The following STPG2 variants were observed in gnomAD, a reference collection of about 807,000 sequenced individuals.
STPG2 encodes sperm-tail PG-rich repeat-containing protein 2.
Under a neutral mutation model 54.2 loss-of-function variants are expected in STPG2, and 56 were observed. The ratio of observed to expected loss-of-function variants is 1.03; its 90% CI spans 0.83 to 1.29. The LOEUF is 1.29. Among genes scored for constraint, STPG2 ranks in the 50% most tolerant of loss-of-function variants. STPG2 has a pLI of 0.00. For synonymous variants in STPG2, 200 were observed against 181.8 expected (o/e 1.10, Z -0.81); for missense variants, 596 against 544.9 (o/e 1.09, Z -0.93).
chr4:98,032,008 C>T (rs185268285), intron 5 of STPG2, among the ~76,000 whole-genome samples: 1 of 152,226 alleles, frequency 6.6e-6, no homozygotes, highest in African/African-American at 2.4e-5. Context: ...ATCAAAACCA[C>T]AATGTGGTAC....
At position 98,013,555 on chromosome 4, in the gene STPG2, G is replaced by A. The variant is rs184340847; in HGVS notation, c.613-32237C>T. On this transcript the variant is annotated intron_variant, in intron 5 of 10. Transcript: ENST00000295268. ...CCTCTTTGTACCTCTGGTAGAATTC[G>A]GCTGTGAATCCATCTGGTCCTGGGC... is the stretch of plus-strand genomic sequence containing the variant. 3.3e-3 allele frequency among the ~76,000 whole-genome samples: 478 copies of A among 146,836 alleles called. 5 individuals carry two copies. The highest frequency in any genetic ancestry group is 0.012 in the African/African-American group (465 of 39,784).
intron 10 of STPG2, among the ~76,000 whole-genome samples, chr4:97,612,969 ATTTAT>A (rs1170295533): frequency 6.7e-6 from 1 of 150,036 alleles, no homozygotes; most frequent in African/African-American, 2.5e-5. Context: ...TTTAATAAAC[ATTTAT>A]TTTTTAATAA....
chr4:97,905,070 G>C (rs189883474), intron 8 of STPG2, among the ~76,000 whole-genome samples: 4 of 152,010 alleles, frequency 2.6e-5, no homozygotes, highest in African/African-American at 9.7e-5. Context: ...AATCTAGCAA[G>C]GCAGGCCAAC....
At position 97,501,564 on chromosome 4, in the gene STPG2, C is replaced by T. The variant is rs1031021432; in HGVS notation, c.462+211135G>A. On this transcript the variant is annotated intron_variant, in intron 4 of 4. Coordinates refer to the STPG2 transcript ENST00000522676. Reference sequence around the variant, plus strand: ...AAAAGAAATTAGCTGGGCATGGTGGCGCATGCCTGTAGTCCTAGCTACATT... The same window carrying T: ...AAAAGAAATTAGCTGGGCATGGTGGTGCATGCCTGTAGTCCTAGCTACATT... Among the ~76,000 whole-genome samples the T allele has an allele frequency of 5.3e-5, 8 of 151,608 alleles. No homozygotes were observed. In the South Asian group the frequency reaches 6.2e-4, roughly 12 times the overall value.
At chr4:98,090,464 T>C (rs1738651782) in intron 5 of STPG2, among the ~76,000 whole-genome samples, 1 of 152,138 alleles carries the variant, frequency 6.6e-6, no homozygotes, top group Non-Finnish European at 1.5e-5. Flanking sequence ...TATAGGCTTG[T>C]AGTATAATTT....
chr4:98,045,718 TTATC>T (rs910194164), intron 5 of STPG2, among the ~76,000 whole-genome samples: 10 of 151,844 alleles, frequency 6.6e-5, no homozygotes, highest in Non-Finnish European at 1.3e-4. Context: ...ATTTATTTAT[TTATC>T]TATTTTAATA....
chr4:97,930,428 T>A (rs1295938296), intron 8 of STPG2, among the ~76,000 whole-genome samples: 1 of 152,202 alleles, frequency 6.6e-6, no homozygotes, highest in Non-Finnish European at 1.5e-5. Flanking sequence ...ATTTATTGAA[T>A]TGGGAATGTT....
chr4:97,853,169 G>A (rs1190657862), intron 8 of STPG2, among the ~76,000 whole-genome samples: 4 of 151,378 alleles, frequency 2.6e-5, no homozygotes, highest in Admixed American at 6.6e-5. Context: ...TAGTACAGAC[G>A]GGGTTTCACC....
chr4:97,625,783 G>A (rs1173330118), intron 10 of STPG2, among the ~76,000 whole-genome samples: 1 of 152,184 alleles, frequency 6.6e-6, no homozygotes, highest in Admixed American at 6.5e-5. Flanking sequence ...TATAGCTGGA[G>A]TGGAGATGAC....
intron 4 of STPG2, among the ~76,000 whole-genome samples, chr4:97,469,590 T>C (rs1172043642): frequency 6.6e-6 from 1 of 151,870 alleles, no homozygotes; most frequent in Non-Finnish European, 1.5e-5. Flanking sequence ...TGAGGGATGC[T>C]AGGATAAGGA....
At chr4:98,128,804 A>T (rs1739903796) in intron 2 of STPG2, among the ~76,000 whole-genome samples, 1 of 152,100 alleles carries the variant, frequency 6.6e-6, no homozygotes, top group African/African-American at 2.4e-5. Flanking sequence ...ATCTTGGCTC[A>T]CTGCAACCTC....
At position 97,623,735 on chromosome 4, in the gene STPG2, G is replaced by A. The variant is rs368747861; in HGVS notation, c.1321-64618C>T. 2.2e-4 allele frequency among the ~76,000 whole-genome samples: 33 copies of A among 152,016 alleles called. No individual in the cohort carries two copies. The East Asian group carries it at 5.0e-3, about 23-fold the overall frequency. On this transcript the variant is annotated intron_variant, in intron 10 of 10. Coordinates refer to ENST00000295268, the MANE Select transcript of STPG2 (RefSeq NM_174952.3). ...GGTTTGCTGTGCTTATCAACCTATC[G>A]CCTAGGTATTAAGCCCAGCATGCAT...
intron 5 of STPG2, among the ~76,000 whole-genome samples, chr4:98,066,414 C>T (rs926269744): frequency 2.6e-4 from 40 of 152,062 alleles, no homozygotes; most frequent in Non-Finnish European, 4.7e-4. Context: ...CATGGTGAAA[C>T]TCCATCTCTA....
chr4:97,753,467 T>G (rs1725638783), intron 9 of STPG2, among the ~76,000 whole-genome samples: 1 of 152,036 alleles, frequency 6.6e-6, no homozygotes, highest in Non-Finnish European at 1.5e-5. Flanking sequence ...TTTATTTTGC[T>G]TATCCACTCA....
intron 4 of STPG2, among the ~76,000 whole-genome samples, chr4:97,497,867 T>A (rs1352369369): frequency 6.6e-6 from 1 of 151,906 alleles, no homozygotes. Flanking sequence ...ACATTTCTCA[T>A]TATCCCTAGG....
intron 9 of STPG2, among the ~76,000 whole-genome samples, chr4:97,813,739 C>T (rs1298746443): frequency 1.0e-5 from 1 of 98,830 alleles, no homozygotes; most frequent in Non-Finnish European, 2.1e-5. Context: ...AAAATGTACA[C>T]AATTTTATTT....
At chr4:97,904,622 G>A (rs993365371) in intron 8 of STPG2, among the ~76,000 whole-genome samples, 1 of 152,198 alleles carries the variant, frequency 6.6e-6, no homozygotes, top group Admixed American at 6.5e-5. Context: ...ACTTTGACGA[G>A]CTGATAGAAG....
At chr4:97,790,652 C>T (rs1726962946) in intron 9 of STPG2, among the ~76,000 whole-genome samples, 1 of 152,148 alleles carries the variant, frequency 6.6e-6, no homozygotes, top group Admixed American at 6.6e-5. Flanking sequence ...TCGAGGCCAT[C>T]AAGGAAAGGT....
chr4:97,769,892 T>A (rs1467494037), intron 9 of STPG2, among the ~76,000 whole-genome samples: 2 of 152,096 alleles, frequency 1.3e-5, no homozygotes. Context: ...GGTGGCATAC[T>A]AATAATAAAT....
Sources: allele counts gnomAD v4.1 joint callset (sites outside exome capture counted in the v4.1 genomes callset), GRCh38; gene constraint gnomAD v4.1.1; transcripts MANE v1.5; gene names NCBI Gene and HGNC (gene_info 2026-07-23, HGNC 2026-07-21).